Variants in MEIG1 observed in about 807,000 individuals in gnomAD.
MEIG1 encodes the protein meiosis expressed gene 1 protein homolog.
A neutral mutation model predicts 11.3 loss-of-function variants in MEIG1; 12 were observed. The observed-to-expected ratio is 1.07, with a 90% CI of 0.68 to 1.73. MEIG1 has a LOEUF of 1.73. Ranked by LOEUF, MEIG1 falls within the 40% of genes most tolerant of loss-of-function variation. The probability of loss-of-function intolerance (pLI) is 0.00; values close to 1 mark genes in which losing one functional copy is unlikely to be tolerated. For missense variants in MEIG1, 119 were observed against 104.9 expected (o/e 1.13, Z -0.59); for synonymous variants, 41 against 33.2 (o/e 1.24, Z -0.81).
At chr10:14,986,363 A>G (rs1385434763) in intron 1 of MEIG1, among the ~76,000 whole-genome samples, 2 of 152,228 alleles carry the variant, frequency 1.3e-5, no homozygotes, top group Non-Finnish European at 2.9e-5. Flanking sequence ...TTTCAAGAGC[A>G]GAAAGAGAAG....
upstream of MEIG1, among the ~76,000 whole-genome samples, chr10:14,956,933 A>C (rs1457921131): frequency 2.0e-5 from 3 of 152,174 alleles, no homozygotes; most frequent in Non-Finnish European, 1.5e-5. Context: ...TGGTACACCT[A>C]CAATAACAAC....
intron 1 of MEIG1, among the ~76,000 whole-genome samples, chr10:14,962,750 G>A (rs1341088902): frequency 6.6e-6 from 1 of 151,694 alleles, no homozygotes; most frequent in Admixed American, 6.6e-5. Context: ...ATAAAAATAT[G>A]ACTAATTTGG....
chr10:14,956,167 G>T (rs554250963), upstream of MEIG1, among the ~76,000 whole-genome samples: 1 of 152,324 alleles, frequency 6.6e-6, no homozygotes, highest in African/African-American at 2.4e-5. Flanking sequence ...GCATAGCCCA[G>T]ACCAAACCTA....
At chr10:14,974,734 T>C (rs1047104136), downstream of MEIG1, among the ~76,000 whole-genome samples, 8 of 152,264 alleles carry the variant, frequency 5.3e-5, no homozygotes, top group African/African-American at 1.9e-4. Flanking sequence ...AAATGATTAA[T>C]ATTAATGATT....
intron 1 of MEIG1, among the ~76,000 whole-genome samples, chr10:14,981,283 G>A (rs9943305): frequency 0.14 from 20,436 of 150,120 alleles, 2,480 homozygotes; most frequent in African/African-American, 0.32. Context: ...TCGGGGGACT[G>A]TAAGGGTCAT....
downstream of MEIG1, among the ~76,000 whole-genome samples, chr10:14,977,556 A>G (rs1209028823): frequency 6.6e-6 from 1 of 151,766 alleles, no homozygotes; most frequent in Admixed American, 6.6e-5. Context: ...ATAGAGAGAT[A>G]TTACTTTAAA....
intron 1 of MEIG1, among the ~76,000 whole-genome samples, chr10:14,980,168 G>A (rs1843249915): frequency 6.6e-6 from 1 of 152,002 alleles, no homozygotes; most frequent in Admixed American, 6.6e-5. Context: ...GTCACAGGGG[G>A]TGTGGTTTCT....
intron 2 of MEIG1, among the ~76,000 whole-genome samples, chr10:14,968,344 C>T (rs574661952): frequency 7.2e-5 from 11 of 151,990 alleles, no homozygotes; most frequent in African/African-American, 2.7e-4. Context: ...AAAAATTAGC[C>T]GGGCATGGTG....
At chr10:14,969,358 G>A (rs1843123925) in intron 2 of MEIG1, among the ~76,000 whole-genome samples, 1 of 151,728 alleles carries the variant, frequency 6.6e-6, no homozygotes, top group Non-Finnish European at 1.5e-5. Context: ...TCAGGTGGGA[G>A]GATTGCTTGA....
downstream of MEIG1, among the ~76,000 whole-genome samples, chr10:14,975,931 T>G (rs764652725): frequency 2.0e-4 from 31 of 152,112 alleles, no homozygotes; most frequent in Non-Finnish European, 4.1e-4. Context: ...TTACTGCAAA[T>G]AGTACAGAGG....
At chr10:14,964,225 G>T (rs914331970) in intron 1 of MEIG1, among the ~76,000 whole-genome samples, 1 of 151,992 alleles carries the variant, frequency 6.6e-6, no homozygotes, top group Non-Finnish European at 1.5e-5. Flanking sequence ...AGAGTCCATT[G>T]GTACTTGTGA....
At chr10:14,977,658 G>A (rs55661583), downstream of MEIG1, among the ~76,000 whole-genome samples, 40,709 of 150,716 alleles carry the variant, frequency 0.27, 4,690 homozygotes, top group South Asian at 0.32. Flanking sequence ...CACAGTGGGT[G>A]TACCCCATGT....
intron 1 of MEIG1, among the ~76,000 whole-genome samples, chr10:14,986,313 G>A (rs372388734): frequency 6.6e-6 from 1 of 152,100 alleles, no homozygotes; most frequent in Admixed American, 6.6e-5. Context: ...CAACAAGAGC[G>A]AAACTCCATC....
At chr10:14,962,181 C>T (rs1389972812) in intron 1 of MEIG1, among the ~76,000 whole-genome samples, 1 of 152,134 alleles carries the variant, frequency 6.6e-6, no homozygotes, top group Non-Finnish European at 1.5e-5. Flanking sequence ...GAGCTAAGTA[C>T]TAGCAGAATT....
chr10:14,967,413 G>T (rs1359177173), intron 2 of MEIG1, among the ~76,000 whole-genome samples: 1 of 151,916 alleles, frequency 6.6e-6, no homozygotes, highest in African/African-American at 2.4e-5. Context: ...ACCTAGCTTT[G>T]CTTTATGAAG....
chr10:14,965,218 T>G (rs539876698), intron 1 of MEIG1, among the ~76,000 whole-genome samples: 2 of 152,352 alleles, frequency 1.3e-5, no homozygotes, highest in African/African-American at 4.8e-5. Flanking sequence ...CCAATAGAAA[T>G]ATATTTTAAT....
intron 1 of MEIG1, among the ~76,000 whole-genome samples, chr10:14,963,322 C>T (rs1045667488): frequency 6.6e-6 from 1 of 151,724 alleles, no homozygotes; most frequent in Non-Finnish European, 1.5e-5. Flanking sequence ...CTCGAACTCC[C>T]GACCTCAGGT....
In MEIG1 at chr10:14,959,538, CA is replaced by C; in HGVS notation, c.-48del. 1 of 152,512 alleles carries C rather than the reference CA, an allele frequency of 6.6e-6. No homozygotes were observed. The highest frequency in any genetic ancestry group is 3.4e-3 in the Middle Eastern group (1 of 296). 9.4% of individuals were successfully genotyped at this position (152,512 alleles called of 1,614,324 possible). A position where few individuals can be genotyped will look rare whatever the true frequency, so the allele number is the denominator to read the frequency against. The stretch of plus-strand genomic sequence containing the variant: ...CCTGCTCGGCGGAACGAGGATAACC[CA>C]GTAGAGCCGGACCCAGGGGTGGGTG... On this transcript the variant is annotated 5_prime_UTR_variant, in exon 1 of 3. Transcript: ENST00000407572.
chr10:14,964,977 G>C (rs1293986258), intron 1 of MEIG1, among the ~76,000 whole-genome samples: 3 of 151,916 alleles, frequency 2.0e-5, no homozygotes, highest in Non-Finnish European at 4.4e-5. Context: ...AATAGAGACG[G>C]GGTTTCACCA....
Sources: gnomAD v4.1 joint callset for allele counts (sites outside exome capture counted in the v4.1 genomes callset) on GRCh38, gnomAD v4.1.1 for gene constraint, MANE v1.5 for transcripts, NCBI Gene and HGNC (gene_info 2026-07-23, HGNC 2026-07-21) for gene names.